Variants in THSD7B observed in about 807,000 individuals in gnomAD.
The protein encoded by THSD7B is thrombospondin type 1 domain containing 7B, also known as thrombospondin type-1 domain-containing protein 7B.
THSD7B carries 138 observed loss-of-function variants against 213.6 expected under a neutral mutation model. The ratio of observed to expected loss-of-function variants is 0.65; its 90% CI spans 0.56 to 0.74. The LOEUF is 0.74. THSD7B is among the 30% of genes least tolerant of loss of function. The pLI, the probability that THSD7B is intolerant of heterozygous loss-of-function variation, is 0.00. For synonymous variants in THSD7B, 742 were observed against 687.0 expected (o/e 1.08, Z -1.25); for missense variants, 1,931 against 1,991.5 (o/e 0.97, Z 0.58).
At chr2:136,805,707 G>A (rs1682269125) in intron 1 of THSD7B, among the ~76,000 whole-genome samples, 1 of 152,226 alleles carries the variant, frequency 6.6e-6, no homozygotes, top group Admixed American at 6.5e-5. Context: ...TAGTAGGGGA[G>A]GGGCTGGGAG....
At chr2:137,459,947 C>G (rs1305025738) in intron 15 of THSD7B, among the ~76,000 whole-genome samples, 1 of 152,060 alleles carries the variant, frequency 6.6e-6, no homozygotes. Flanking sequence ...TGAATACTAC[C>G]AGGGTTAAGA....
intron 14 of THSD7B, among the ~76,000 whole-genome samples, chr2:137,428,431 C>T (rs2105036104): frequency 1.3e-5 from 2 of 152,250 alleles, no homozygotes; most frequent in South Asian, 4.1e-4. Flanking sequence ...TATGACCCAA[C>T]AGAGATGAAC....
chr2:136,908,100 A>G (rs985015061), intron 2 of THSD7B, among the ~76,000 whole-genome samples: 1 of 152,164 alleles, frequency 6.6e-6, no homozygotes, highest in South Asian at 2.1e-4. Context: ...TTTTTTTAAT[A>G]GTTTTAATGT....
chr2:137,260,986 G>GT (rs1189066214), intron 10 of THSD7B, among the ~76,000 whole-genome samples: 1 of 151,814 alleles, frequency 6.6e-6, no homozygotes, highest in Non-Finnish European at 1.5e-5. Context: ...TTATTTGTTT[G>GT]TTTTTTGTAG....
intron 6 of THSD7B, 79 bp downstream of exon 6, chr2:137,160,447 CCTGCT>C: frequency 6.5e-7 from 1 of 1,528,982 alleles, no homozygotes; most frequent in Non-Finnish European, 8.9e-7. Context: ...ACTGATTAAG[CCTGCT>C]TAAGACAATA....
intron 2 of THSD7B, among the ~76,000 whole-genome samples, chr2:136,953,135 T>C (rs1435402714): frequency 6.6e-6 from 1 of 152,172 alleles, no homozygotes; most frequent in Non-Finnish European, 1.5e-5. Context: ...TAGAAAAGTA[T>C]ATAGAGAAAA....
rs184811490 is a variant in THSD7B at position 137,349,595 on chromosome 2, T to C, written c.2501-56018T>C. ...AAGCTGTCTGACTCACTTAGAATTA[T>C]TGTAAACCCTGTTTTCAGTTACAGT... On this transcript the variant is annotated intron_variant, in intron 12 of 27. Transcript: ENST00000409968. Among the ~76,000 whole-genome samples the C allele has an allele frequency of 3.6e-3, 547 of 152,010 alleles. 3 individuals carry two copies. The highest frequency in any genetic ancestry group is 0.012 in the African/African-American group (514 of 41,540).
intron 15 of THSD7B, among the ~76,000 whole-genome samples, chr2:137,552,421 G>A (rs1680867328): frequency 6.6e-6 from 1 of 152,186 alleles, no homozygotes; most frequent in Non-Finnish European, 1.5e-5. Context: ...CACCATCTCA[G>A]TGTGAGTGTG....
chr2:136,999,030 G>A (rs1162985179), intron 2 of THSD7B, among the ~76,000 whole-genome samples: 1 of 151,658 alleles, frequency 6.6e-6, no homozygotes, highest in East Asian at 1.9e-4. Context: ...CCTTGTTGAA[G>A]TCTTAGCCAA....
chr2:137,301,941 A>C (rs1683615061), intron 12 of THSD7B, among the ~76,000 whole-genome samples: 1 of 152,058 alleles, frequency 6.6e-6, no homozygotes, highest in Admixed American at 6.6e-5. Flanking sequence ...CATGGTGGTT[A>C]AGTGGATAAG....
chr2:137,635,808 G>T (rs1682822729), intron 20 of THSD7B, among the ~76,000 whole-genome samples: 2 of 151,782 alleles, frequency 1.3e-5, no homozygotes, highest in East Asian at 3.9e-4. Flanking sequence ...AGGTTCAAGT[G>T]ATCTTCCTGT....
At chr2:137,266,770 C>T (rs1204878193) in intron 10 of THSD7B, among the ~76,000 whole-genome samples, 1 of 152,220 alleles carries the variant, frequency 6.6e-6, no homozygotes, top group African/African-American at 2.4e-5. Flanking sequence ...TTCCTGGCCA[C>T]ACGTTCATCT....
intron 14 of THSD7B, among the ~76,000 whole-genome samples, chr2:137,433,858 C>A (rs557940806): frequency 5.9e-5 from 9 of 152,132 alleles, no homozygotes; most frequent in Admixed American, 2.0e-4. Context: ...GTTTTGTAAC[C>A]CCCAATCTGA....
chr2:137,308,419 T>C (rs1683808723), intron 12 of THSD7B, among the ~76,000 whole-genome samples: 1 of 152,120 alleles, frequency 6.6e-6, no homozygotes, highest in Non-Finnish European at 1.5e-5. Context: ...GGGGGCTTTA[T>C]AAGTGACGGA....
At chr2:137,313,972 A>G (rs1158250643) in intron 12 of THSD7B, among the ~76,000 whole-genome samples, 4 of 151,918 alleles carry the variant, frequency 2.6e-5, no homozygotes, top group Non-Finnish European at 5.9e-5. Context: ...GGTGAATCTG[A>G]CAATTATGTG....
Position 137,405,603 on chromosome 2 carries a change from T to C in THSD7B, c.2501-10T>C. 1 of 1,577,638 alleles carries C rather than the reference T, an allele frequency of 6.3e-7. No individual in the cohort carries two copies. The highest frequency in any genetic ancestry group is 1.2e-5 in the South Asian group (1 of 86,554). On this transcript the variant is annotated splice_polypyrimidine_tract_variant and intron_variant, in intron 12 of 27. Coordinates refer to ENST00000409968, the MANE Select transcript of THSD7B (RefSeq NM_001316349.2). Reference sequence around the variant, plus strand: ...AAAATAATAACAAAAGAATTCATGCTTTTTTTCAGCTGTCTCATGCATCTC... The same window carrying C: ...AAAATAATAACAAAAGAATTCATGCCTTTTTTCAGCTGTCTCATGCATCTC...
intron 17 of THSD7B, among the ~76,000 whole-genome samples, chr2:137,579,293 C>T (rs1308850351): frequency 6.6e-6 from 1 of 152,106 alleles, no homozygotes; most frequent in East Asian, 1.9e-4. Flanking sequence ...GAGGAAACTC[C>T]TTCTGCCTGA....
intron 9 of THSD7B, among the ~76,000 whole-genome samples, chr2:137,235,283 G>A (rs1681739534): frequency 6.6e-6 from 1 of 152,214 alleles, no homozygotes; most frequent in South Asian, 2.1e-4. Context: ...TGGATTAGAT[G>A]TAGGAGTAAC....
At chr2:136,855,970 A>G (rs975448084) in intron 1 of THSD7B, among the ~76,000 whole-genome samples, 6 of 123,930 alleles carry the variant, frequency 4.8e-5, no homozygotes, top group African/African-American at 1.9e-4. Flanking sequence ...TCTCAACTTG[A>G]ATGTCACCTT....
Sources: allele counts gnomAD v4.1 joint callset (sites outside exome capture counted in the v4.1 genomes callset), GRCh38; gene constraint gnomAD v4.1.1; transcripts MANE v1.5; gene names NCBI Gene and HGNC (gene_info 2026-07-23, HGNC 2026-07-21).